TMEM62: variants seen among roughly 807,000 people sequenced by gnomAD.
The protein encoded by TMEM62 is transmembrane protein 62.
A neutral mutation model predicts 70.4 loss-of-function variants in TMEM62; 41 were observed. That is an observed-to-expected ratio of 0.58 (90% confidence interval 0.45 to 0.76). The LOEUF (loss-of-function observed/expected upper bound fraction) is 0.76, where lower values mean the gene tolerates loss of function less well. TMEM62 is among the 30% of genes least tolerant of loss of function. TMEM62 has a pLI of 0.00. For missense variants in TMEM62, 688 were observed against 788.5 expected (o/e 0.87, Z 1.53); for synonymous variants, 268 against 291.0 (o/e 0.92, Z 0.80).
rs1472085597 is a variant in TMEM62, at chr15:43,174,668, A to G, written c.1382-3939A>G. 2.0e-5 allele frequency among the ~76,000 whole-genome samples: 3 copies of G among 152,172 alleles called. No individual in the cohort carries two copies. The East Asian group carries it at 5.8e-4, about 29-fold the overall frequency. ...AACAAAGGTTTTGGGAGGTTATGTA[A>G]ATTGTCCAAGGTTTCATAGCTAATA... On this transcript the variant is annotated intron_variant, in intron 11 of 13. Transcript: ENST00000260403.
At chr15:43,168,026 A>ACTC (rs2039738934) in intron 10 of TMEM62, among the ~76,000 whole-genome samples, 1 of 152,048 alleles carries the variant, frequency 6.6e-6, no homozygotes. Flanking sequence ...CGGCAGGCTG[A>ACTC]GGCAGGAGAC....
intron 4 of TMEM62, among the ~76,000 whole-genome samples, chr15:43,142,695 G>A (rs180930226): frequency 6.9e-4 from 104 of 150,890 alleles, no homozygotes; most frequent in Admixed American, 2.4e-3. Flanking sequence ...TTTTGAGACA[G>A]GGTCTCTCTG....
chr15:43,153,484 C>T (rs948336036), intron 8 of TMEM62, among the ~76,000 whole-genome samples: 1 of 152,210 alleles, frequency 6.6e-6, no homozygotes, highest in African/African-American at 2.4e-5. Context: ...AATCTACTTT[C>T]TGTCTCTATG....
In TMEM62 at chr15:43,160,700, A is replaced by T. The variant is rs147007150; in HGVS notation, c.1202A>T (p.Lys401Met). The T allele has an allele frequency of 5.0e-5, 80 of 1,607,752 alleles. No homozygotes were observed. In the African/African-American group the frequency reaches 9.5e-4, roughly 19 times the overall value. Residue 401 changes from lysine to methionine, a missense_variant, in exon 10 of 14, where the codon AAG becomes ATG. Lys to Met is a moderately conservative substitution (Grantham distance 95). Coordinates refer to ENST00000260403, the MANE Select transcript of TMEM62 (RefSeq NM_024956.4). ...VIVQDSAGRS[K>M]SVHHIFSVQE... ...TACTAGGATTCTGCTGGAAGAAGTA[A>T]GAGTGTTCACCACATATTTTCTGTT...
Position 43,184,398 on chromosome 15 carries a change from C to T in TMEM62, c.1744C>T (p.Leu582=). Reference sequence around the variant, plus strand: ...GCCTGTTCACCTACTTATGCTACTGCTGTACATCTGGCAGGTTTATTCCTG... The same window carrying T: ...GCCTGTTCACCTACTTATGCTACTGTTGTACATCTGGCAGGTTTATTCCTG... ...IMPVHLLMLL[L]YIWQVYSCYF... is the part of the protein sequence containing the mutation. Residue 582 remains leucine, a synonymous_variant, in exon 14 of 14, where the codon CTG becomes TTG. Coordinates refer to ENST00000260403, the MANE Select transcript of TMEM62 (RefSeq NM_024956.4). 2 of 1,614,212 alleles carry T rather than the reference C, an allele frequency of 1.2e-6. No individual in the cohort carries two copies. Among genetic ancestry groups the T allele is most frequent in the Non-Finnish European group, 1.7e-6 (2 of 1,180,028 alleles).
chr15:43,165,381 T>C (rs2047521197), intron 10 of TMEM62, among the ~76,000 whole-genome samples: 1 of 152,208 alleles, frequency 6.6e-6, no homozygotes, highest in Non-Finnish European at 1.5e-5. Context: ...AATTTAATCT[T>C]TCAGCTTCAG....
At chr15:43,157,995 TC>T (rs2038253041) in intron 9 of TMEM62, among the ~76,000 whole-genome samples, 1 of 152,110 alleles carries the variant, frequency 6.6e-6, no homozygotes, top group African/African-American at 2.4e-5. Context: ...ACCTCCCCCC[TC>T]TTTTTTGTAC....
At chr15:43,148,320 G>A (rs760995516) in intron 5 of TMEM62, among the ~76,000 whole-genome samples, 19 of 152,228 alleles carry the variant, frequency 1.2e-4, no homozygotes, top group Non-Finnish European at 1.5e-4. Context: ...CTGTTCCATC[G>A]TGTGGATGTA....
At chr15:43,183,653 T>G (rs2041604592) in intron 13 of TMEM62, among the ~76,000 whole-genome samples, 1 of 152,160 alleles carries the variant, frequency 6.6e-6, no homozygotes, top group Non-Finnish European at 1.5e-5. Context: ...TTGGTTTTTT[T>G]TTTTGTCTGT....
At chr15:43,169,140 G>T (rs2039924248) in intron 10 of TMEM62, 1 of 155,772 alleles carries the variant, frequency 6.4e-6, no homozygotes, top group Non-Finnish European at 1.4e-5. Flanking sequence ...TCCTTGATAT[G>T]ATGTTAAAAC....
chr15:43,166,954 C>A (rs1162828064), intron 10 of TMEM62, among the ~76,000 whole-genome samples: 1 of 152,226 alleles, frequency 6.6e-6, no homozygotes, highest in Non-Finnish European at 1.5e-5. Context: ...ACAGACACGG[C>A]AACCATCCGA....
At chr15:43,157,255 C>G (rs927612832) in intron 9 of TMEM62, among the ~76,000 whole-genome samples, 13 of 152,088 alleles carry the variant, frequency 8.5e-5, no homozygotes, top group African/African-American at 3.1e-4. Flanking sequence ...TCTCAGGTCC[C>G]ATCTGAAATC....
chr15:43,158,829 A>G (rs2038336945), intron 9 of TMEM62, among the ~76,000 whole-genome samples: 1 of 152,176 alleles, frequency 6.6e-6, no homozygotes, highest in Non-Finnish European at 1.5e-5. Flanking sequence ...GCCAAAGGTG[A>G]CTGAGTCTTT....
intron 4 of TMEM62, among the ~76,000 whole-genome samples, chr15:43,145,033 G>A (rs1217029375): frequency 6.7e-6 from 1 of 148,690 alleles, no homozygotes; most frequent in Non-Finnish European, 1.5e-5. Context: ...CCAGAGAGGA[G>A]GCAGAGCTTG....
At chr15:43,158,821 C>T (rs1408120271) in intron 9 of TMEM62, among the ~76,000 whole-genome samples, 1 of 152,072 alleles carries the variant, frequency 6.6e-6, no homozygotes, top group African/African-American at 2.4e-5. Flanking sequence ...TAGTATCTGC[C>T]AAAGGTGACT....
chr15:43,178,572 G>A (rs1400854149), intron 11 of TMEM62, 35 bp from the exon 12 acceptor site: 6 of 1,333,474 alleles, frequency 4.5e-6, no homozygotes, highest in Middle Eastern at 1.8e-4. Context: ...AACTTTGCAT[G>A]TGTTCACTGG....
chr15:43,148,740 T>C lies in TMEM62; in HGVS notation c.619-15T>C, dbSNP rs1256556747. 1.2e-6 allele frequency: 2 copies of C among 1,609,618 alleles called. No homozygotes were observed. The highest frequency in any genetic ancestry group is 1.7e-6 in the Non-Finnish European group (2 of 1,178,904). On this transcript the variant is annotated splice_polypyrimidine_tract_variant and intron_variant, in intron 5 of 13. Coordinates refer to ENST00000260403, the MANE Select transcript of TMEM62 (RefSeq NM_024956.4). ...AGCCCTAATTTAAGATCCTTCCATT[T>C]TTCTCCCATCTCAGAAAAAGATGGA...
At chr15:43,152,535 C>T (rs907775664) in intron 8 of TMEM62, among the ~76,000 whole-genome samples, 2 of 152,254 alleles carry the variant, frequency 1.3e-5, no homozygotes, top group African/African-American at 4.8e-5. Context: ...GCTGAGATTA[C>T]AGATGTGTGC....
intron 2 of TMEM62, 135 bp from the exon 3 acceptor site, chr15:43,135,376 TG>T: frequency 1.3e-6 from 1 of 780,112 alleles, no homozygotes; most frequent in East Asian, 3.1e-5. Context: ...TGGACATTGG[TG>T]GTCTCGTGAG....
Sources: allele counts gnomAD v4.1 joint callset (sites outside exome capture counted in the v4.1 genomes callset), GRCh38; gene constraint gnomAD v4.1.1; transcripts MANE v1.5; gene names NCBI Gene and HGNC (gene_info 2026-07-23, HGNC 2026-07-21).